The following LUZP2 variants were observed in gnomAD, a reference collection of about 807,000 sequenced individuals.
The protein encoded by LUZP2 is leucine zipper protein 2.
Under a neutral mutation model 51.6 loss-of-function variants are expected in LUZP2, and 52 were observed. That is an observed-to-expected ratio of 1.01 (90% confidence interval 0.81 to 1.27). LUZP2 has a LOEUF of 1.27. LUZP2 is among the 50% of genes most tolerant of loss of function. The pLI is 0.00. For synonymous variants in LUZP2, 154 were observed against 137.3 expected (o/e 1.12, Z -0.85); for missense variants, 436 against 395.4 (o/e 1.10, Z -0.87).
At chr11:24,882,412 A>AT (rs758058751) in intron 5 of LUZP2, among the ~76,000 whole-genome samples, 7 of 152,026 alleles carry the variant, frequency 4.6e-5, no homozygotes, top group African/African-American at 7.2e-5. Flanking sequence ...AAAGAGGTAC[A>AT]TGTATTACAA....
At chr11:25,016,013 C>T (rs1039657678) in intron 9 of LUZP2, among the ~76,000 whole-genome samples, 17 of 151,468 alleles carry the variant, frequency 1.1e-4, no homozygotes, top group East Asian at 5.8e-4. Flanking sequence ...CTCCACCTCC[C>T]GGGTTCACGC....
intron 5 of LUZP2, among the ~76,000 whole-genome samples, chr11:24,871,495 T>A (rs1189828510): frequency 6.6e-6 from 1 of 152,034 alleles, no homozygotes; most frequent in Admixed American, 6.6e-5. Flanking sequence ...TCATCCCCCC[T>A]GGCCACTTCA....
At chr11:24,908,222 A>G (rs941731432) in intron 6 of LUZP2, among the ~76,000 whole-genome samples, 1 of 152,206 alleles carries the variant, frequency 6.6e-6, no homozygotes, top group African/African-American at 2.4e-5. Context: ...GAAGATTGCC[A>G]TTGTTTTAAT....
At chr11:24,676,041 A>C (rs568242566) in intron 1 of LUZP2, among the ~76,000 whole-genome samples, 1 of 151,624 alleles carries the variant, frequency 6.6e-6, no homozygotes, top group Admixed American at 6.6e-5. Context: ...CTAGTCTCGA[A>C]CTCCTAACCT....
chr11:24,611,409 A>G lies in LUZP2; in HGVS notation c.62+114104A>G, dbSNP rs1016815400. Among the ~76,000 whole-genome samples, 2 of 152,206 alleles carry G rather than the reference A, an allele frequency of 1.3e-5. No individual in the cohort carries two copies. The highest frequency in any genetic ancestry group is 4.8e-5 in the African/African-American group (2 of 41,456). ...CCATTATATATACATACATACAGCT[A>G]TATAAGATATATTTTGCACACTAAT... is the stretch of plus-strand genomic sequence containing the variant. On this transcript the variant is annotated intron_variant, in intron 1 of 11. Transcript: ENST00000336930. The surrounding 1 kb of genome is among the most constrained non-coding windows in gnomAD (Gnocchi z 4.6).
intron 7 of LUZP2, among the ~76,000 whole-genome samples, chr11:24,933,855 G>A (rs1854522986): frequency 6.6e-6 from 1 of 152,102 alleles, no homozygotes; most frequent in Non-Finnish European, 1.5e-5. Context: ...TTATAGGTTT[G>A]GGATGGGCGG....
chr11:24,732,069 C>A, intron 2 of LUZP2, 49 bp from the exon 3 acceptor site: 1 of 1,417,594 alleles, frequency 7.1e-7, no homozygotes, highest in Non-Finnish European at 9.8e-7. Flanking sequence ...TAAAGTGAGT[C>A]TCAATTTCTC....
At chr11:24,762,871 C>T (rs1177180474) in intron 4 of LUZP2, 1 of 405,914 alleles carries the variant, frequency 2.5e-6, no homozygotes, top group Non-Finnish European at 3.3e-6. Context: ...GTCATAATTA[C>T]CTGGAGTGTT....
chr11:24,560,780 A>G (rs1485544510), intron 1 of LUZP2, among the ~76,000 whole-genome samples: 1 of 152,206 alleles, frequency 6.6e-6, no homozygotes, highest in African/African-American at 2.4e-5. Context: ...CCTGTTGAAA[A>G]ACTGATGATG....
At chr11:24,862,169 A>T (rs1851761469) in intron 5 of LUZP2, among the ~76,000 whole-genome samples, 1 of 152,180 alleles carries the variant, frequency 6.6e-6, no homozygotes, top group Non-Finnish European at 1.5e-5. Context: ...TCACCTATAA[A>T]GGGAAGCCCA....
chr11:24,574,231 T>C (rs374147405), intron 1 of LUZP2, among the ~76,000 whole-genome samples: 41 of 2,018 alleles, frequency 0.02, 2 homozygotes, highest in African/African-American at 0.029. Flanking sequence ...TTTCTTTCTT[T>C]CTTTCTTTCT....
chr11:24,846,418 G>A (rs2716519), intron 5 of LUZP2, among the ~76,000 whole-genome samples: 22,956 of 151,148 alleles, frequency 0.15, 1,885 homozygotes, highest in African/African-American at 0.2. Flanking sequence ...AAATTCCCAA[G>A]AACAATAATG....
intron 5 of LUZP2, among the ~76,000 whole-genome samples, chr11:24,833,077 C>T (rs867754457): frequency 9.2e-5 from 14 of 152,118 alleles, no homozygotes; most frequent in South Asian, 4.1e-4. Flanking sequence ...GAATGACATT[C>T]TGTAAAAATC....
chr11:24,508,671 G>T (rs1181648070), intron 1 of LUZP2, among the ~76,000 whole-genome samples: 1 of 152,034 alleles, frequency 6.6e-6, no homozygotes, highest in African/African-American at 2.4e-5. Context: ...AGCTGTCTCA[G>T]TTCCTCAGAC....
At chr11:24,766,790 C>T (rs1860207351) in intron 5 of LUZP2, among the ~76,000 whole-genome samples, 1 of 152,182 alleles carries the variant, frequency 6.6e-6, no homozygotes, top group Non-Finnish European at 1.5e-5. Flanking sequence ...TTTTCTTAGT[C>T]TCACTTTGTT....
chr11:24,907,805 C>T (rs753025469), intron 6 of LUZP2, among the ~76,000 whole-genome samples: 13 of 152,042 alleles, frequency 8.6e-5, no homozygotes, highest in Admixed American at 2.0e-4. Flanking sequence ...AAGAATAATT[C>T]GTATTTTTTC....
chr11:25,047,265 A>T (rs918219371), intron 9 of LUZP2, among the ~76,000 whole-genome samples: 18 of 151,896 alleles, frequency 1.2e-4, no homozygotes, highest in Admixed American at 1.1e-3. Flanking sequence ...CAGGTGGTGG[A>T]TGTTCAGTAG....
At chr11:24,647,258 G>A (rs1855489816) in intron 1 of LUZP2, among the ~76,000 whole-genome samples, 1 of 151,672 alleles carries the variant, frequency 6.6e-6, no homozygotes, top group African/African-American at 2.4e-5. Context: ...ACACCTTTCT[G>A]TATTTTTCTA....
At chr11:24,838,555 C>T (rs910879403) in intron 5 of LUZP2, among the ~76,000 whole-genome samples, 13 of 151,684 alleles carry the variant, frequency 8.6e-5, no homozygotes, top group African/African-American at 2.9e-4. Context: ...GGAGTAATAA[C>T]GTAGCATTTG....
Sources: allele counts gnomAD v4.1 joint callset (sites outside exome capture counted in the v4.1 genomes callset), GRCh38; gene constraint gnomAD v4.1.1; non-coding constraint Gnocchi (gnomAD v3.1); transcripts MANE v1.5; gene names NCBI Gene and HGNC (gene_info 2026-07-23, HGNC 2026-07-21).